RASGEF1C: variants seen among roughly 807,000 people sequenced by gnomAD.
RASGEF1C encodes RasGEF domain family member 1C.
A neutral mutation model predicts 58.1 loss-of-function variants in RASGEF1C; 27 were observed. That is an observed-to-expected ratio of 0.46 (90% CI 0.34 to 0.64). The LOEUF is 0.64. RASGEF1C is among the 30% of genes least tolerant of loss of function. The pLI is 0.01. For synonymous variants in RASGEF1C, 243 were observed against 246.3 expected (o/e 0.99, Z 0.13); for missense variants, 502 against 605.1 (o/e 0.83, Z 1.79).
At chr5:180,122,386 T>C (rs908700791) in intron 6 of RASGEF1C, among the ~76,000 whole-genome samples, 1 of 152,226 alleles carries the variant, frequency 6.6e-6, no homozygotes, top group African/African-American at 2.4e-5. Context: ...ATTTAGAACT[T>C]TCCACTGTAT....
chr5:180,187,875 G>A (rs1212528857), intron 1 of RASGEF1C, among the ~76,000 whole-genome samples: 3 of 152,192 alleles, frequency 2.0e-5, no homozygotes, highest in Non-Finnish European at 4.4e-5. Flanking sequence ...GTGGAGAAAC[G>A]GGAAACCTTG....
chr5:180,114,456 A>G lies in RASGEF1C; in HGVS notation c.1169T>C (p.Val390Ala), dbSNP rs766005020. Residue 390 changes from valine to alanine, a missense_variant, in exon 11 of 14, where the codon GTC becomes GCC. Transcript: ENST00000361132. The stretch of plus-strand genomic sequence containing the variant: ...ACACGGAGGTCCTACCTCAAAGTTG[A>G]CGTGTCCATTGGGAAGGCGGTTGGC... Reference protein sequence around the residue: ...GCANRLPNGHVNFEKFLELAK... With the variant: ...GCANRLPNGHANFEKFLELAK... 1.2e-6 allele frequency: 2 copies of G among 1,612,420 alleles called. No homozygotes were observed. The highest frequency in any genetic ancestry group is 1.3e-5 in the African/African-American group (1 of 74,890).
At chr5:180,111,360 C>A in intron 12 of RASGEF1C, 97 bp downstream of exon 12, 1 of 1,545,160 alleles carries the variant, frequency 6.5e-7, no homozygotes, top group Non-Finnish European at 8.9e-7. Flanking sequence ...CAGGGTGCAT[C>A]CCTAACCTAC....
At chr5:180,200,335 A>T (rs1756364635) in intron 1 of RASGEF1C, among the ~76,000 whole-genome samples, 3 of 72,396 alleles carry the variant, frequency 4.1e-5, no homozygotes, top group East Asian at 4.8e-4. Flanking sequence ...TTTGAGATAG[A>T]GTCCTGCTCT....
Position 180,101,338 on chromosome 5 carries a change from C to A in RASGEF1C, c.*163G>T, listed in dbSNP as rs1383151714. The A allele has an allele frequency of 7.8e-6, 6 of 766,624 alleles. No homozygotes were observed. The highest frequency in any genetic ancestry group is 1.7e-5 in the South Asian group (1 of 59,660). The allele number at this position is 766,624 out of a possible 1,614,324, so 47.5% of individuals were successfully genotyped here. A position where few individuals can be genotyped will look rare whatever the true frequency, so the allele number is the denominator to read the frequency against. On this transcript the variant is annotated 3_prime_UTR_variant, in exon 14 of 14. Coordinates refer to ENST00000361132, the MANE Select transcript of RASGEF1C (RefSeq NM_175062.4). The stretch of plus-strand genomic sequence containing the variant: ...AGTCCCATAAAAGGTCTCCTGTGCC[C>A]GTATGGCCACTGTGGGGGGGGGGGG...
chr5:180,177,115 A>T lies in RASGEF1C; in HGVS notation c.-7+31913T>A, dbSNP rs1178346632. Among the ~76,000 whole-genome samples the T allele has an allele frequency of 6.6e-6, 1 of 151,800 alleles. No homozygotes were observed. The highest frequency in any genetic ancestry group is 1.5e-5 in the Non-Finnish European group (1 of 67,912). On this transcript the variant is annotated intron_variant, in intron 1 of 13. Transcript: ENST00000361132. The surrounding 1 kb of genome is among the most constrained non-coding windows in gnomAD (Gnocchi z 5.0). Reference sequence around the variant, plus strand: ...CAGCATGGAGGAGGACCAGGGTGAGAGGTGAGACTCTCAGAGCCTGACGGA... The same window carrying T: ...CAGCATGGAGGAGGACCAGGGTGAGTGGTGAGACTCTCAGAGCCTGACGGA...
chr5:180,182,005 C>T (rs981880240), intron 1 of RASGEF1C, among the ~76,000 whole-genome samples: 7 of 151,654 alleles, frequency 4.6e-5, no homozygotes, highest in African/African-American at 1.5e-4. Context: ...AGATCGAGAC[C>T]ATCCTGGCTA....
Position 180,163,253 on chromosome 5 carries a change from CCA to C in RASGEF1C, c.-6-25197_-6-25196del, listed in dbSNP as rs1766973143. Among the ~76,000 whole-genome samples, 3 of 5,060 alleles carry C rather than the reference CCA, an allele frequency of 5.9e-4. 1 individual carries two copies. Among genetic ancestry groups the C allele is most frequent in the Non-Finnish European group, 3.1e-3 (3 of 974 alleles). 3.3% of individuals were successfully genotyped at this position (5,060 alleles called of 152,430 possible). Reference sequence around the variant, plus strand: ...TCACTTTTTTTTTTTTTTTTTTTTTCCAGCCTATTGCACTGGCTAGGACTTCC... The same window carrying C: ...TCACTTTTTTTTTTTTTTTTTTTTTCGCCTATTGCACTGGCTAGGACTTCC... On this transcript the variant is annotated intron_variant, in intron 1 of 13. Coordinates refer to ENST00000361132, the MANE Select transcript of RASGEF1C (RefSeq NM_175062.4).
chr5:180,194,814 C>T (rs1185007315), intron 1 of RASGEF1C, among the ~76,000 whole-genome samples: 4 of 152,230 alleles, frequency 2.6e-5, no homozygotes, highest in African/African-American at 9.6e-5. Flanking sequence ...CGAACCAGCC[C>T]TCTCTCCCCA....
chr5:180,136,039 G>C (rs1156819391), intron 4 of RASGEF1C, among the ~76,000 whole-genome samples: 2 of 152,192 alleles, frequency 1.3e-5, no homozygotes, highest in African/African-American at 4.8e-5. Flanking sequence ...GAGGGGGTAG[G>C]TCTCCGTGGC....
intron 1 of RASGEF1C, among the ~76,000 whole-genome samples, chr5:180,184,640 C>T (rs550144307): frequency 6.6e-6 from 1 of 152,196 alleles, no homozygotes; most frequent in South Asian, 2.1e-4. Flanking sequence ...GATATGAAAG[C>T]AAGAACCACA....
At chr5:180,159,984 C>T (rs1473562098) in intron 1 of RASGEF1C, among the ~76,000 whole-genome samples, 1 of 152,202 alleles carries the variant, frequency 6.6e-6, no homozygotes, top group Non-Finnish European at 1.5e-5. Context: ...CTGAATCTAG[C>T]TGCACTCGAA....
intron 1 of RASGEF1C, among the ~76,000 whole-genome samples, chr5:180,142,809 C>T (rs1008551288): frequency 3.3e-5 from 5 of 152,104 alleles, no homozygotes; most frequent in South Asian, 2.1e-4. Flanking sequence ...TAGAGTCATT[C>T]GTCCAAGCTG....
At chr5:180,196,318 G>A (rs1053623139) in intron 1 of RASGEF1C, among the ~76,000 whole-genome samples, 9 of 152,134 alleles carry the variant, frequency 5.9e-5, no homozygotes, top group Non-Finnish European at 1.0e-4. Context: ...TGGCCAACAT[G>A]GTGAAACCCC....
intron 1 of RASGEF1C, among the ~76,000 whole-genome samples, chr5:180,142,133 G>A (rs1766589373): frequency 6.6e-6 from 1 of 152,144 alleles, no homozygotes; most frequent in African/African-American, 2.4e-5. Flanking sequence ...GAGGGGCTCA[G>A]CATGGATGGG....
At chr5:180,159,356 T>C (rs1766901753) in intron 1 of RASGEF1C, among the ~76,000 whole-genome samples, 1 of 152,158 alleles carries the variant, frequency 6.6e-6, no homozygotes, top group African/African-American at 2.4e-5. Flanking sequence ...CCCAGGGTGG[T>C]CTCAAACTCC....
intron 10 of RASGEF1C, 85 bp from the exon 11 acceptor site, chr5:180,114,626 G>T: frequency 1.5e-6 from 2 of 1,323,300 alleles, no homozygotes; most frequent in Non-Finnish European, 2.1e-6. Context: ...CCAGCAGATA[G>T]CTGCCCCAGG....
Position 180,137,720 on chromosome 5 carries a change from A to C in RASGEF1C, c.178-8T>G, listed in dbSNP as rs1766508175. 1 of 1,612,708 alleles carries C rather than the reference A, an allele frequency of 6.2e-7. No individual in the cohort carries two copies. Among genetic ancestry groups the C allele is most frequent in the Non-Finnish European group, 8.5e-7 (1 of 1,179,898 alleles). Reference sequence around the variant, plus strand: ...GGTGAAGATGTAGGCTTTCTGGGGGACACACGAGAAAGAGGGCACAGGCTC... The same window carrying C: ...GGTGAAGATGTAGGCTTTCTGGGGGCCACACGAGAAAGAGGGCACAGGCTC... On this transcript the variant is annotated splice_region_variant and splice_polypyrimidine_tract_variant and intron_variant, in intron 2 of 13. Coordinates refer to ENST00000361132, the MANE Select transcript of RASGEF1C (RefSeq NM_175062.4). This position sits in a 1 kb window ranked among gnomAD's most constrained non-coding sequence, Gnocchi z 4.1.
intron 1 of RASGEF1C, among the ~76,000 whole-genome samples, chr5:180,205,727 T>C (rs1263606237): frequency 6.6e-6 from 1 of 151,186 alleles, no homozygotes; most frequent in Non-Finnish European, 1.5e-5. Flanking sequence ...ATTATTATTA[T>C]TATTATTATT....
Sources: allele counts gnomAD v4.1 joint callset (sites outside exome capture counted in the v4.1 genomes callset), GRCh38; gene constraint gnomAD v4.1.1; non-coding constraint Gnocchi (gnomAD v3.1); transcripts MANE v1.5; gene names NCBI Gene and HGNC (gene_info 2026-07-23, HGNC 2026-07-21).